Variants in PCDHGA2 observed in about 807,000 individuals in gnomAD.
The protein encoded by PCDHGA2 is protocadherin gamma-A2.
PCDHGA2 carries 40 observed loss-of-function variants against 59.2 expected under a neutral mutation model. The ratio of observed to expected loss-of-function variants is 0.68; its 90% CI spans 0.52 to 0.88. The LOEUF (loss-of-function observed/expected upper bound fraction) is 0.88. Ranked by LOEUF, PCDHGA2 falls within the 40% of genes least tolerant of loss-of-function variation. The pLI is 0.00. For synonymous variants in PCDHGA2, 560 were observed against 526.0 expected (o/e 1.06, Z -0.89); for missense variants, 1,226 against 1,204.0 (o/e 1.02, Z -0.27).
At position 141,340,109 on chromosome 5, in the gene PCDHGA2, G is replaced by A. The variant is rs149474643; in HGVS notation, c.1138G>A (p.Ala380Thr). The A allele has an allele frequency of 9.9e-6, 16 of 1,613,938 alleles. No homozygotes were observed. The East Asian group carries it at 1.1e-4, about 11-fold the overall frequency. Residue 380 changes from alanine (A) to threonine (T), a missense_variant, in exon 1 of 4, where the codon GCA (alanine) becomes ACA (threonine). Ala to Thr is a moderately conservative substitution (Grantham distance 58, BLOSUM62 0). Coordinates refer to ENST00000394576, the MANE Select transcript of PCDHGA2 (RefSeq NM_018915.4). ...ACATGATAGAGACTCTGGGCAGAAC[G>A]CATTCACCACCTGTTCACTCCCCGA... ...NVHDRDSGQN[A>T]FTTCSLPEDL...
chr5:141,415,740 G>GTTTTTTTTT (rs57426385), intron 1 of PCDHGA2: 68 of 625,028 alleles, frequency 1.1e-4, no homozygotes, highest in African/African-American at 1.3e-4. Context: ...GTTTATTAAG[G>GTTTTTTTTT]TTTTTTTTTT....
At chr5:141,396,682 C>T (rs1387269894) in intron 1 of PCDHGA2, 1 of 151,688 alleles carries the variant, frequency 6.6e-6, no homozygotes, top group Non-Finnish European at 1.5e-5. Context: ...TATTGTATTC[C>T]TGCATACCTT....
intron 2 of PCDHGA2, among the ~76,000 whole-genome samples, chr5:141,497,706 A>G (rs2099778850): frequency 6.6e-6 from 1 of 151,956 alleles, no homozygotes; most frequent in Middle Eastern, 3.2e-3. Flanking sequence ...CACCCAGCTC[A>G]TTTTTGTATT....
At chr5:141,435,054 C>A (rs891988253) in intron 1 of PCDHGA2, among the ~76,000 whole-genome samples, 7 of 151,964 alleles carry the variant, frequency 4.6e-5, no homozygotes, top group Admixed American at 1.3e-4. Context: ...ATTGACCATG[C>A]AGCAGTTTTG....
At chr5:141,393,370 A>G (rs2092740114) in intron 1 of PCDHGA2, 5 of 1,613,954 alleles carry the variant, frequency 3.1e-6, no homozygotes, top group Non-Finnish European at 2.5e-6. Context: ...CAGACTGGAG[A>G]CAATGGAGCC....
rs915288148 is a variant in PCDHGA2, at chr5:141,355,973, G to A, written c.2424+14578G>A. On this transcript the variant is annotated intron_variant, in intron 1 of 3. Transcript: ENST00000394576. ...AGTGTTCGTGAGAACGTTCCTGTAGGCACTCGGCTACTCACCGTAAAAGCC... is the reference window on the plus strand; with the variant it reads ...AGTGTTCGTGAGAACGTTCCTGTAGACACTCGGCTACTCACCGTAAAAGCC... 2.2e-5 allele frequency: 35 copies of A among 1,613,706 alleles called. No homozygotes were observed. Among genetic ancestry groups the A allele is most frequent in the Non-Finnish European group, 2.8e-5 (33 of 1,179,874 alleles).
At chr5:141,402,826 G>A (rs776479870) in intron 1 of PCDHGA2, 37 of 1,328,842 alleles carry the variant, frequency 2.8e-5, no homozygotes, top group Middle Eastern at 2.7e-4. Flanking sequence ...CCTGCTCCCA[G>A]GCTGCAGCAA....
rs1212833348 is a variant in PCDHGA2 at position 141,431,379 on chromosome 5, C to T, written c.2425-63428C>T. On this transcript the variant is annotated intron_variant, in intron 1 of 3. Transcript: ENST00000394576. The surrounding 1 kb of genome is among the most constrained non-coding windows in gnomAD (Gnocchi z 4.8). ...GCCCTGGACCGCGAAGAAAAGGCTG[C>T]TCACCACCTGGTCCTTACGGCCTCC... is the stretch of plus-strand genomic sequence containing the variant. 3 of 1,613,946 alleles carry T rather than the reference C, an allele frequency of 1.9e-6. No individual in the cohort carries two copies. Among genetic ancestry groups the T allele is most frequent in the Non-Finnish European group, 2.5e-6 (3 of 1,180,020 alleles).
At position 141,476,666 on chromosome 5, in the gene PCDHGA2, G is replaced by A. The variant is rs2099395856; in HGVS notation, c.2425-18141G>A. On this transcript the variant is annotated intron_variant, in intron 1 of 3. Coordinates refer to ENST00000394576, the MANE Select transcript of PCDHGA2 (RefSeq NM_018915.4). The surrounding 1 kb of genome is among the most constrained non-coding windows in gnomAD (Gnocchi z 7.6). The stretch of plus-strand genomic sequence containing the variant: ...CCGAAATGAATACTTTGCGCTTCGC[G>A]TGCAGACGCGGGAGGACAGCACCAA... 6.2e-7 allele frequency: 1 copy of A among 1,614,128 alleles called. No individual in the cohort carries two copies.
intron 1 of PCDHGA2, among the ~76,000 whole-genome samples, chr5:141,465,409 A>G (rs1037916815): frequency 3.3e-5 from 5 of 152,188 alleles, no homozygotes; most frequent in African/African-American, 4.8e-5. Flanking sequence ...AAGAAGCCAA[A>G]TCAGCACTGA....
intron 1 of PCDHGA2, chr5:141,342,575 G>C (rs1016807760): frequency 6.6e-6 from 1 of 152,112 alleles, no homozygotes; most frequent in Non-Finnish European, 1.5e-5. Flanking sequence ...TGTTGTTTTG[G>C]TTACTATTAC....
At chr5:141,370,718 G>C (rs752810801) in intron 1 of PCDHGA2, 2 of 1,613,818 alleles carry the variant, frequency 1.2e-6, no homozygotes, top group Non-Finnish European at 1.7e-6. Context: ...AATTTGAAAT[G>C]GTTGCTGAAA....
intron 1 of PCDHGA2, chr5:141,364,958 C>T: frequency 1.2e-6 from 2 of 1,613,958 alleles, no homozygotes; most frequent in South Asian, 1.1e-5. Flanking sequence ...TGTTCACGAC[C>T]TCCTCCTCAC....
chr5:141,390,286 G>A (rs1043842292), intron 1 of PCDHGA2: 2 of 1,613,848 alleles, frequency 1.2e-6, no homozygotes, highest in Non-Finnish European at 1.7e-6. Flanking sequence ...CATCAGGTGA[G>A]TTTCCTTTAA....
chr5:141,400,798 A>G (rs2094077333), intron 1 of PCDHGA2: 2 of 559,100 alleles, frequency 3.6e-6, no homozygotes, highest in Non-Finnish European at 6.3e-6. Flanking sequence ...TCTTTCTCAA[A>G]GCTAATGAAT....
chr5:141,447,208 C>T (rs1226099966), intron 1 of PCDHGA2, among the ~76,000 whole-genome samples: 1 of 152,078 alleles, frequency 6.6e-6, no homozygotes, highest in Non-Finnish European at 1.5e-5. Flanking sequence ...GGCTTGATCT[C>T]GGCTCACTGC....
At chr5:141,372,324 G>A (rs559633972) in intron 1 of PCDHGA2, 3 of 1,613,704 alleles carry the variant, frequency 1.9e-6, no homozygotes, top group East Asian at 2.2e-5. Context: ...GCGCCTGCTG[G>A]TCACTGTGCG....
chr5:141,401,508 C>G (rs2094162050), intron 1 of PCDHGA2, among the ~76,000 whole-genome samples: 1 of 152,302 alleles, frequency 6.6e-6, no homozygotes, highest in East Asian at 1.9e-4. Flanking sequence ...TTTTCCACCT[C>G]TATATAATTA....
chr5:141,388,941 C>T (rs191165529), intron 1 of PCDHGA2: 9 of 1,613,962 alleles, frequency 5.6e-6, no homozygotes, highest in Admixed American at 5.0e-5. Context: ...TCTACCCAAC[C>T]TAATTATGGA....
Sources: gnomAD v4.1 joint callset for allele counts (sites outside exome capture counted in the v4.1 genomes callset) on GRCh38, gnomAD v4.1.1 for gene constraint, Gnocchi (gnomAD v3.1) non-coding constraint, MANE v1.5 for transcripts, NCBI Gene and HGNC (gene_info 2026-07-23, HGNC 2026-07-21) for gene names.